The following UQCRC1 variants were observed in gnomAD, a reference collection of about 807,000 sequenced individuals.
The protein encoded by UQCRC1 is cytochrome b-c1 complex subunit 1, mitochondrial.
Under a neutral mutation model 58.0 loss-of-function variants are expected in UQCRC1, and 34 were observed. The observed-to-expected ratio is 0.59, with a 90% CI of 0.45 to 0.78. The LOEUF (loss-of-function observed/expected upper bound fraction) is 0.78, where lower values mean the gene tolerates loss of function less well. UQCRC1 is among the 30% of genes least tolerant of loss of function. The pLI, the probability that UQCRC1 is intolerant of heterozygous loss-of-function variation, is 0.00. For synonymous variants in UQCRC1, 276 were observed against 248.8 expected (o/e 1.11, Z -1.03); for missense variants, 610 against 646.0 (o/e 0.94, Z 0.60).
chr3:48,601,521 G>A, intron 6 of UQCRC1, 54 bp from the exon 7 acceptor site: 2 of 1,557,024 alleles, frequency 1.3e-6, no homozygotes, highest in East Asian at 2.3e-5. Context: ...GGCACAGGGT[G>A]GGGCGATTCA....
chr3:48,600,907 C>G, intron 8 of UQCRC1, 67 bp from the exon 9 acceptor site: 1 of 1,608,628 alleles, frequency 6.2e-7, no homozygotes, highest in Non-Finnish European at 8.5e-7. Context: ...CCCCCACGCA[C>G]AGGAGCACAC....
chr3:48,602,262 A>G (rs2046373183), intron 6 of UQCRC1, among the ~76,000 whole-genome samples: 1 of 151,938 alleles, frequency 6.6e-6, no homozygotes, highest in African/African-American at 2.4e-5. Context: ...TGTGTTAGCC[A>G]GGATGGTCTC....
At chr3:48,601,169 A>C (rs1324110033) in intron 7 of UQCRC1, 51 bp from the exon 8 acceptor site, 1 of 1,571,376 alleles carries the variant, frequency 6.4e-7, no homozygotes, top group African/African-American at 1.3e-5. Flanking sequence ...CCAGGGGAAC[A>C]GAAAAGGTGG....
At chr3:48,608,259 G>C (rs1338184571) in intron 2 of UQCRC1, among the ~76,000 whole-genome samples, 5 of 152,204 alleles carry the variant, frequency 3.3e-5, no homozygotes, top group Non-Finnish European at 5.9e-5. Flanking sequence ...GCTTTCCTAA[G>C]AGATGTCAAT....
intron 12 of UQCRC1, 44 bp downstream of exon 12, chr3:48,599,591 G>C (rs773253517): frequency 8.1e-6 from 13 of 1,605,638 alleles, no homozygotes; most frequent in South Asian, 2.2e-5. Context: ...CCAAGAGAAC[G>C]GCCTGAGGAA....
intron 5 of UQCRC1, 146 bp from the exon 6 acceptor site, chr3:48,603,789 CCT>C (rs772656995): frequency 1.7e-5 from 13 of 766,030 alleles, no homozygotes; most frequent in Non-Finnish European, 2.2e-5. Context: ...ACCCCCTTCC[CCT>C]GTCTCTGCCA....
rs2046393279 is a variant in UQCRC1, at chr3:48,604,424, C to T, written c.435G>A (p.Glu145=). ...AGTTCTGCACAATGTCACCCAGGAG[C>T]TCCACAGCTAGATGCAAGGAGGACA... ...ALSKDLPKAV[E]LLGDIVQNCS... The change falls in exon 5 of 13, where the codon GAG becomes GAA. Residue 145 remains glutamate, a synonymous_variant. Coordinates refer to ENST00000203407, the MANE Select transcript of UQCRC1 (RefSeq NM_003365.3). The T allele has an allele frequency of 6.2e-7, 1 of 1,613,820 alleles. No individual in the cohort carries two copies. Among genetic ancestry groups the T allele is most frequent in the African/African-American group, 1.3e-5 (1 of 74,934 alleles).
Position 48,604,649 on chromosome 3 carries a change from A to G in UQCRC1, c.427+2T>C. The G allele has an allele frequency of 1.2e-6, 2 of 1,614,016 alleles. No homozygotes were observed. Among genetic ancestry groups the G allele is most frequent in the Non-Finnish European group, 1.7e-6 (2 of 1,180,000 alleles). On this transcript the variant is annotated splice_donor_variant, in intron 4 of 12. Transcript: ENST00000203407. LOFTEE classifies it high-confidence loss of function. The stretch of plus-strand genomic sequence containing the variant: ...GTCCCCGCCTCTTCCTCCAGGTGTT[A>G]CCTTTCGGCAGATCCTTGGACAGCG...
At chr3:48,609,047 G>C (rs2046438550) in intron 2 of UQCRC1, 115 bp downstream of exon 2, 1 of 1,437,950 alleles carries the variant, frequency 7.0e-7, no homozygotes, top group Non-Finnish European at 9.4e-7. Flanking sequence ...GAGTGGTCCT[G>C]GGTCCGAACC....
intron 2 of UQCRC1, among the ~76,000 whole-genome samples, chr3:48,608,273 T>C (rs2046431854): frequency 6.6e-6 from 1 of 151,902 alleles, no homozygotes. Flanking sequence ...TGTCAATGCA[T>C]ATACCATATA....
chr3:48,602,146 G>A (rs931266464), intron 6 of UQCRC1, among the ~76,000 whole-genome samples: 1 of 151,938 alleles, frequency 6.6e-6, no homozygotes, highest in Non-Finnish European at 1.5e-5. Flanking sequence ...CACCTCCCGG[G>A]TCCACGCCAT....
chr3:48,600,895 G>T, intron 8 of UQCRC1, 55 bp from the exon 9 acceptor site: 2 of 1,611,748 alleles, frequency 1.2e-6, no homozygotes, highest in South Asian at 2.2e-5. Context: ...CGCACACTGT[G>T]ACCCCCACGC....
In UQCRC1 at chr3:48,599,227, C is replaced by A. The variant is rs373345865; in HGVS notation, c.1379-35G>T. The A allele has an allele frequency of 7.5e-5, 117 of 1,569,746 alleles. 1 individual carries two copies. The highest frequency in any genetic ancestry group is 9.5e-5 in the Non-Finnish European group (110 of 1,153,674). ...TAGGGTGGAGCGTCAGGGTGGGGTA[C>A]CTGGCCTGCACAGGGACACCTGGCC... On this transcript the variant is annotated intron_variant, in intron 12 of 12. Transcript: ENST00000203407.
intron 6 of UQCRC1, among the ~76,000 whole-genome samples, chr3:48,603,343 C>T (rs970383318): frequency 3.3e-5 from 5 of 152,138 alleles, no homozygotes; most frequent in Admixed American, 6.5e-5. Flanking sequence ...CAGACCTGTA[C>T]CAGAGGGACA....
rs370109439 is a variant in UQCRC1, at chr3:48,599,075, G to C, written c.*53C>G. 16 of 1,590,314 alleles carry C rather than the reference G, an allele frequency of 1.0e-5. No homozygotes were observed. Among genetic ancestry groups the C allele is most frequent in the African/African-American group, 4.0e-5 (3 of 74,258 alleles). ...GAGCCGAAGTGCTGTGTTTGTGGTGGGGGGGGGACCACAAACCCCGGCCCT... is the reference window on the plus strand; with the variant it reads ...GAGCCGAAGTGCTGTGTTTGTGGTGCGGGGGGGACCACAAACCCCGGCCCT... On this transcript the variant is annotated 3_prime_UTR_variant, in exon 13 of 13. Transcript: ENST00000203407.
In UQCRC1 at chr3:48,599,082, G is replaced by GA. The variant is rs781084813; in HGVS notation, c.*45dup. The GA allele has an allele frequency of 1.6e-4, 250 of 1,602,822 alleles. 2 individuals are homozygous for GA. The South Asian group carries it at 2.6e-3, about 17-fold the overall frequency. ...AGTGCTGTGTTTGTGGTGGGGGGGG[G>GA]ACCACAAACCCCGGCCCTGCCCTCT... On this transcript the variant is annotated 3_prime_UTR_variant, in exon 13 of 13. Coordinates refer to ENST00000203407, the MANE Select transcript of UQCRC1 (RefSeq NM_003365.3).
rs1365054666 is a variant in UQCRC1 at position 48,600,846 on chromosome 3, A to C, written c.967-6T>G. The C allele has an allele frequency of 6.2e-7, 1 of 1,613,804 alleles. No individual in the cohort carries two copies. The highest frequency in any genetic ancestry group is 1.1e-5 in the South Asian group (1 of 91,086). On this transcript the variant is annotated splice_polypyrimidine_tract_variant and splice_region_variant and intron_variant, in intron 8 of 12. Coordinates refer to ENST00000203407, the MANE Select transcript of UQCRC1 (RefSeq NM_003365.3). ...GCCAGTGGGCTGGACAGGTGCTGCC[A>C]GGGGGATAGGTGGTCAGCACCCACC...
Position 48,600,790 on chromosome 3 carries a change from C to G in UQCRC1, c.1017G>C (p.Gln339His). Residue 339 changes from glutamine (Q) to histidine (H), a missense_variant, in exon 9 of 13, where the codon CAG (glutamine) becomes CAC (histidine). Transcript: ENST00000203407. ...AGCAGATGCTGAAGGTCTGGAAACT[C>G]TGGCATAGCTTGTTGGCCACAGCAC... The part of the protein sequence containing the change: ...ASGAVANKLC[Q>H]SFQTFSICYA... The G allele has an allele frequency of 6.2e-7, 1 of 1,614,164 alleles. No homozygotes were observed. The highest frequency in any genetic ancestry group is 8.5e-7 in the Non-Finnish European group (1 of 1,180,046).
intron 2 of UQCRC1, 127 bp downstream of exon 2, chr3:48,609,035 G>T (rs1423920255): frequency 8.5e-5 from 112 of 1,312,574 alleles, no homozygotes; most frequent in Non-Finnish European, 1.1e-4. Flanking sequence ...CATTCTCGGG[G>T]TGAGTGGTCC....
Sources: gnomAD v4.1 joint callset for allele counts (sites outside exome capture counted in the v4.1 genomes callset) on GRCh38, gnomAD v4.1.1 for gene constraint, MANE v1.5 for transcripts, NCBI Gene and HGNC (gene_info 2026-07-23, HGNC 2026-07-21) for gene names.